NEDD4L: variants seen among roughly 807,000 people sequenced by gnomAD.
NEDD4L encodes E3 ubiquitin-protein ligase NEDD4-like.
NEDD4L carries 54 observed loss-of-function variants against 148.9 expected under a neutral mutation model. The ratio of observed to expected loss-of-function variants is 0.36; its 90% CI spans 0.29 to 0.45. The LOEUF (loss-of-function observed/expected upper bound fraction) is 0.45. Ranked by LOEUF, NEDD4L falls within the 20% of genes least tolerant of loss-of-function variation. The probability of loss-of-function intolerance (pLI) is 1.00; values close to 1 mark genes in which losing one functional copy is unlikely to be tolerated. For synonymous variants in NEDD4L, 433 were observed against 440.7 expected (o/e 0.98, Z 0.22); for missense variants, 856 against 1,233.8 (o/e 0.69, Z 4.59).
At chr18:58,278,580 G>A (rs776943105) in intron 5 of NEDD4L, among the ~76,000 whole-genome samples, 3 of 152,080 alleles carry the variant, frequency 2.0e-5, no homozygotes, top group South Asian at 2.1e-4. Flanking sequence ...ATTTCCCAGC[G>A]TGTCCCCACA....
At chr18:58,149,610 G>A in intron 1 of NEDD4L, 2 of 1,243,680 alleles carry the variant, frequency 1.6e-6, no homozygotes, top group Non-Finnish European at 2.3e-6. Context: ...TTACCTTCCT[G>A]TGGCATTCTG....
intron 1 of NEDD4L, among the ~76,000 whole-genome samples, chr18:58,076,729 T>G (rs923384836): frequency 3.9e-5 from 6 of 152,114 alleles, no homozygotes; most frequent in Admixed American, 6.5e-5. Flanking sequence ...ATGGCTCCAG[T>G]TCCCCCACCC....
intron 2 of NEDD4L, among the ~76,000 whole-genome samples, chr18:58,232,930 G>A (rs1262513685): frequency 6.6e-6 from 1 of 152,154 alleles, no homozygotes; most frequent in Non-Finnish European, 1.5e-5. Context: ...TTGGCAGGGT[G>A]GCATGAGGAG....
chr18:58,368,720 A>T (rs2046426060), intron 22 of NEDD4L, among the ~76,000 whole-genome samples: 1 of 152,216 alleles, frequency 6.6e-6, no homozygotes, highest in Admixed American at 6.5e-5. Flanking sequence ...TTTACTGTTA[A>T]TTGGTAGCTG....
intron 2 of NEDD4L, among the ~76,000 whole-genome samples, chr18:58,192,241 C>T (rs1312350101): frequency 6.6e-6 from 1 of 152,104 alleles, no homozygotes; most frequent in Non-Finnish European, 1.5e-5. Context: ...TGAGCCTGGA[C>T]CATTAAACTG....
At chr18:58,162,068 A>G (rs1400235434) in intron 1 of NEDD4L, among the ~76,000 whole-genome samples, 2 of 152,172 alleles carry the variant, frequency 1.3e-5, no homozygotes, top group Non-Finnish European at 2.9e-5. Flanking sequence ...ACATTTTTAT[A>G]TGCTGGATCT....
chr18:58,243,249 G>C (rs2046857210), intron 2 of NEDD4L, among the ~76,000 whole-genome samples: 1 of 152,226 alleles, frequency 6.6e-6, no homozygotes, highest in South Asian at 2.1e-4. Context: ...TGTGGATTCT[G>C]TATGTGCGTG....
chr18:58,303,699 A>G (rs991062741), intron 5 of NEDD4L, among the ~76,000 whole-genome samples: 1 of 152,214 alleles, frequency 6.6e-6, no homozygotes. Context: ...GCTAGAGGAT[A>G]AGGATGTAAC....
chr18:58,179,603 C>T (rs1009106356), intron 2 of NEDD4L, among the ~76,000 whole-genome samples: 9 of 152,050 alleles, frequency 5.9e-5, no homozygotes, highest in Non-Finnish European at 1.0e-4. Context: ...GCCTGAGCTC[C>T]GCTGCCTCTC....
chr18:58,329,168 T>A (rs759296669), intron 10 of NEDD4L, 41 bp downstream of exon 10: 1 of 1,599,108 alleles, frequency 6.3e-7, no homozygotes, highest in Admixed American at 1.7e-5. Context: ...GGCAGCTCCT[T>A]CTTCCCATGT....
intron 2 of NEDD4L, among the ~76,000 whole-genome samples, chr18:58,187,099 C>T (rs531625057): frequency 6.6e-6 from 1 of 152,216 alleles, no homozygotes; most frequent in Admixed American, 6.5e-5. Context: ...TAGGAAGGGC[C>T]GAGCATGAAG....
chr18:58,084,671 T>TTTG (rs1555686018), intron 1 of NEDD4L, among the ~76,000 whole-genome samples: 1 of 133,738 alleles, frequency 7.5e-6, no homozygotes, highest in Admixed American at 7.6e-5. Context: ...TGTGGGGTTT[T>TTTG]TGTGTGTGTG....
intron 5 of NEDD4L, among the ~76,000 whole-genome samples, chr18:58,311,959 G>A (rs1040492982): frequency 2.0e-5 from 3 of 152,140 alleles, no homozygotes; most frequent in Admixed American, 2.0e-4. Flanking sequence ...TGAACAGGGC[G>A]CCCACTTGTC....
chr18:58,351,187 G>A, intron 18 of NEDD4L, 142 bp downstream of exon 18: 1 of 1,502,334 alleles, frequency 6.7e-7, no homozygotes, highest in Non-Finnish European at 8.9e-7. Context: ...CAGAGAATCA[G>A]TGCCTTCATA....
intron 5 of NEDD4L, among the ~76,000 whole-genome samples, chr18:58,289,375 G>C (rs1211515253): frequency 6.6e-6 from 1 of 152,172 alleles, no homozygotes; most frequent in African/African-American, 2.4e-5. Context: ...TTGCAGCCTT[G>C]GAGTATATGG....
At chr18:58,268,178 C>T (rs189284746) in intron 5 of NEDD4L, among the ~76,000 whole-genome samples, 2 of 151,960 alleles carry the variant, frequency 1.3e-5, no homozygotes, top group South Asian at 2.1e-4. Context: ...GCTCAGAGCC[C>T]GACCAAAAAC....
chr18:58,063,158 A>G (rs2144732389), intron 1 of NEDD4L, among the ~76,000 whole-genome samples: 2 of 145,458 alleles, frequency 1.4e-5, no homozygotes, highest in Middle Eastern at 7.1e-3. Flanking sequence ...CGATCCTCCT[A>G]CCACAGCCTC....
At position 58,259,336 on chromosome 18, in the gene NEDD4L, T is replaced by C. The variant is rs539049927; in HGVS notation, c.297+7282T>C. 1.8e-3 allele frequency among the ~76,000 whole-genome samples: 281 copies of C among 152,346 alleles called. 2 individuals carry two copies. Among genetic ancestry groups the C allele is most frequent in the African/African-American group, 6.4e-3 (266 of 41,588 alleles). The stretch of plus-strand genomic sequence containing the variant: ...TCATTCGTATAGTCATCAATTATAA[T>C]CAGTTAAAAATTTTCAGAATTGTTA... On this transcript the variant is annotated intron_variant, in intron 5 of 30. Transcript: ENST00000400345.
chr18:58,351,944 TCA>T (rs1263674279), intron 18 of NEDD4L, among the ~76,000 whole-genome samples: 3 of 152,218 alleles, frequency 2.0e-5, no homozygotes, highest in Admixed American at 2.0e-4. Flanking sequence ...ATAGGACTGG[TCA>T]CTATCTCATA....
Sources: gnomAD v4.1 joint callset for allele counts (sites outside exome capture counted in the v4.1 genomes callset) on GRCh38, gnomAD v4.1.1 for gene constraint, MANE v1.5 for transcripts, NCBI Gene and HGNC (gene_info 2026-07-23, HGNC 2026-07-21) for gene names.